Variants in ELP6 observed in about 807,000 individuals in gnomAD.
ELP6 encodes elongator complex protein 6.
A neutral mutation model predicts 28.1 loss-of-function variants in ELP6; 23 were observed. That is an observed-to-expected ratio of 0.82 (90% CI 0.59 to 1.16). ELP6 has a LOEUF of 1.16. Ranked by LOEUF, ELP6 falls within the 50% of genes most tolerant of loss-of-function variation. ELP6 has a pLI of 0.00. For missense variants in ELP6, 313 were observed against 334.6 expected (o/e 0.94, Z 0.50); for synonymous variants, 132 against 135.8 (o/e 0.97, Z 0.19).
intron 5 of ELP6, chr3:47,500,168 C>A: frequency 8.9e-7 from 1 of 1,129,460 alleles, no homozygotes. Flanking sequence ...TGAAGCAGAT[C>A]CATGTGTTAT....
At chr3:47,511,998 G>T in intron 1 of ELP6, 1 of 985,264 alleles carries the variant, frequency 1.0e-6, no homozygotes, top group Non-Finnish European at 1.2e-6. Context: ...CCCTAGTGCT[G>T]TCATTTCCTG....
At chr3:47,507,672 T>C (rs1223894872) in intron 3 of ELP6, among the ~76,000 whole-genome samples, 5 of 151,262 alleles carry the variant, frequency 3.3e-5, no homozygotes, top group Non-Finnish European at 7.4e-5. Flanking sequence ...CATGTAACTC[T>C]TTAGACTTTC....
At chr3:47,507,528 C>T (rs1014929011) in intron 3 of ELP6, among the ~76,000 whole-genome samples, 10 of 149,006 alleles carry the variant, frequency 6.7e-5, no homozygotes, top group Admixed American at 5.4e-4. Flanking sequence ...CGGCATGGTG[C>T]CTCACACCTG....
chr3:47,510,269 A>G lies in ELP6; in HGVS notation c.134-15T>C. ...TTTACAATTAGCTAGAAAACAAAACAATTATTTTAAATAAATCCTCTGGTT... is the reference window on the plus strand; with the variant it reads ...TTTACAATTAGCTAGAAAACAAAACGATTATTTTAAATAAATCCTCTGGTT... On this transcript the variant is annotated splice_polypyrimidine_tract_variant and intron_variant, in intron 2 of 6. Coordinates refer to ENST00000296149, the MANE Select transcript of ELP6 (RefSeq NM_001031703.3). 6.2e-7 allele frequency: 1 copy of G among 1,606,246 alleles called. No homozygotes were observed. The highest frequency in any genetic ancestry group is 1.1e-5 in the South Asian group (1 of 90,828).
intron 3 of ELP6, among the ~76,000 whole-genome samples, chr3:47,506,602 C>T (rs572046907): frequency 2.4e-4 from 36 of 152,290 alleles, no homozygotes; most frequent in African/African-American, 7.9e-4. Context: ...GGCTCTGTTC[C>T]GCCCGGCTCA....
In ELP6 at chr3:47,496,211, G is replaced by C. The variant is rs1291002151; in HGVS notation, c.673-14C>G. ...CAGGATCCTCAGCTACAGAGACAGA[G>C]AAGAATGAAAGAGGAGCAGCCACCC... On this transcript the variant is annotated splice_polypyrimidine_tract_variant and intron_variant, in intron 6 of 6. Coordinates refer to ENST00000296149, the MANE Select transcript of ELP6 (RefSeq NM_001031703.3). 5.0e-6 allele frequency: 8 copies of C among 1,612,098 alleles called. No individual in the cohort carries two copies. The highest frequency in any genetic ancestry group is 6.8e-6 in the Non-Finnish European group (8 of 1,179,544).
chr3:47,513,681 G>A lies in ELP6; in HGVS notation c.-91C>T, dbSNP rs1275735009. On this transcript the variant is annotated 5_prime_UTR_variant, in exon 1 of 7. Coordinates refer to ENST00000296149, the MANE Select transcript of ELP6 (RefSeq NM_001031703.3). Reference sequence around the variant, plus strand: ...AGAGCAAAACACACCCGACAGCCCGGCTCGCGCAAGGAAGCGCGCATGCGC... The same window carrying A: ...AGAGCAAAACACACCCGACAGCCCGACTCGCGCAAGGAAGCGCGCATGCGC... The A allele has an allele frequency of 2.6e-6, 4 of 1,534,186 alleles. No homozygotes were observed. The highest frequency in any genetic ancestry group is 1.9e-5 in the Admixed American group (1 of 52,888).
intron 3 of ELP6, 52 bp downstream of exon 3, chr3:47,510,132 G>A: frequency 7.3e-7 from 1 of 1,375,986 alleles, no homozygotes; most frequent in Non-Finnish European, 1.0e-6. Flanking sequence ...TAGACCATGT[G>A]TGACACACAC....
In ELP6 at chr3:47,496,456, A is replaced by T. The variant is rs1032673392; in HGVS notation, c.673-259T>A. ...GAGGAAAAAAAAAGGAAACAGAAGG[A>T]AAAAGTCTTTCAGAGGAAGACCCTT... is the stretch of plus-strand genomic sequence containing the variant. On this transcript the variant is annotated intron_variant, in intron 6 of 6. Transcript: ENST00000296149. 21 of 984,992 alleles carry T rather than the reference A, an allele frequency of 2.1e-5. No individual in the cohort carries two copies. The African/African-American group carries it at 3.5e-4, about 16-fold the overall frequency. The allele number at this position is 984,992 out of a possible 1,614,324, so 61.0% of individuals were successfully genotyped here. A position where few individuals can be genotyped will look rare whatever the true frequency, so the allele number is the denominator to read the frequency against.
chr3:47,511,967 T>C (rs534273786), intron 1 of ELP6: 1 of 984,008 alleles, frequency 1.0e-6, no homozygotes, highest in East Asian at 1.1e-4. Flanking sequence ...AAAGATCACA[T>C]CGTCAGACCT....
At position 47,496,143 on chromosome 3, in the gene ELP6, A is replaced by T; in HGVS notation, c.727T>A (p.Phe243Ile). 1 of 1,614,166 alleles carries T rather than the reference A, an allele frequency of 6.2e-7. No individual in the cohort carries two copies. Among genetic ancestry groups the T allele is most frequent in the Non-Finnish European group, 8.5e-7 (1 of 1,180,024 alleles). Residue 243 changes from phenylalanine (F) to isoleucine (I), a missense_variant, in exon 7 of 7, where the codon TTC (phenylalanine) becomes ATC (isoleucine). By Grantham distance (21) the Phe-to-Ile change is conservative (BLOSUM62 0). Transcript: ENST00000296149. ...TCCTGTATCTTATACTGGTAAGTGA[A>T]GCTCTGATCCCGGTGGACTGCGGGC... is the stretch of plus-strand genomic sequence containing the variant. The part of the protein sequence containing the change: ...SQPAVHRDQS[F>I]TYQYKIQDKS...
rs568089386 is a variant in ELP6, at chr3:47,503,708, G to A, written c.323+622C>T. Among the ~76,000 whole-genome samples, 9 of 152,174 alleles carry A rather than the reference G, an allele frequency of 5.9e-5. No homozygotes were observed. In the East Asian group the frequency reaches 1.7e-3, roughly 29 times the overall value. On this transcript the variant is annotated intron_variant, in intron 4 of 6. Coordinates refer to ENST00000296149, the MANE Select transcript of ELP6 (RefSeq NM_001031703.3). ...ACGAGGTCAGGAGATCGAGACCATG[G>A]TGAAACCCCGTCTCTACTAAAAATA...
intron 5 of ELP6, 122 bp from the exon 6 acceptor site, chr3:47,498,554 G>A: frequency 6.6e-7 from 1 of 1,525,936 alleles, no homozygotes. Context: ...CCTCCCTGCT[G>A]CTGCTACAGC....
intron 4 of ELP6, chr3:47,502,484 A>G: frequency 1.0e-6 from 1 of 984,802 alleles, no homozygotes; most frequent in Non-Finnish European, 1.2e-6. Context: ...AGGAATCTGG[A>G]AGATCAGCTT....
At chr3:47,503,847 C>T (rs1028878762) in intron 4 of ELP6, among the ~76,000 whole-genome samples, 2 of 152,044 alleles carry the variant, frequency 1.3e-5, no homozygotes, top group Non-Finnish European at 2.9e-5. Flanking sequence ...GCCGAGATCA[C>T]GCTACTGCAC....
intron 1 of ELP6, chr3:47,513,176 A>T: frequency 3.1e-6 from 3 of 970,698 alleles, no homozygotes; most frequent in Non-Finnish European, 3.8e-6. Flanking sequence ...TTTTTCGTAG[A>T]GACGGGGGTT....
At chr3:47,507,704 A>C (rs1708882714) in intron 3 of ELP6, among the ~76,000 whole-genome samples, 1 of 152,014 alleles carries the variant, frequency 6.6e-6, no homozygotes, top group Non-Finnish European at 1.5e-5. Context: ...ATCAGGTCTC[A>C]ATTGCTCATT....
chr3:47,511,357 G>C, intron 1 of ELP6, 131 bp from the exon 2 acceptor site: 1 of 1,423,960 alleles, frequency 7.0e-7, no homozygotes, highest in Non-Finnish European at 9.3e-7. Flanking sequence ...TGACATACAT[G>C]CTAAGGTACC....
At chr3:47,501,128 T>C (rs1708637310) in intron 5 of ELP6, among the ~76,000 whole-genome samples, 2 of 152,202 alleles carry the variant, frequency 1.3e-5, no homozygotes, top group Non-Finnish European at 1.5e-5. Flanking sequence ...TCACAACCAG[T>C]TACAGATTTC....
Sources: allele counts gnomAD v4.1 joint callset (sites outside exome capture counted in the v4.1 genomes callset), GRCh38; gene constraint gnomAD v4.1.1; transcripts MANE v1.5; gene names NCBI Gene and HGNC (gene_info 2026-07-23, HGNC 2026-07-21).